CDH12: variants seen among roughly 807,000 people sequenced by gnomAD.
The protein encoded by CDH12 is cadherin-12.
Under a neutral mutation model 74.1 loss-of-function variants are expected in CDH12, and 41 were observed. The ratio of observed to expected loss-of-function variants is 0.55; its 90% confidence interval spans 0.43 to 0.72. CDH12 has a LOEUF of 0.72. Among genes scored for constraint, CDH12 ranks in the 30% least tolerant of loss-of-function variants. CDH12 has a pLI of 0.00. For missense variants in CDH12, 945 were observed against 977.2 expected, an observed-to-expected ratio of 0.97 and a Z score of 0.44; for synonymous variants, 399 against 355.0, an observed-to-expected ratio of 1.12 and a Z score of -1.39.
chr5:21,936,242 G>A (rs116639892), intron 6 of CDH12, among the ~76,000 whole-genome samples: 2,997 of 152,042 alleles, frequency 0.02, 84 homozygotes, highest in South Asian at 0.06. Context: ...CTGTATCTCC[G>A]CGCCAACATT....
intron 2 of CDH12, among the ~76,000 whole-genome samples, chr5:22,463,946 C>G (rs1745623630): frequency 6.6e-6 from 1 of 152,264 alleles, no homozygotes; most frequent in Admixed American, 6.5e-5. Context: ...TTATAAGATT[C>G]CATACCATTT....
At chr5:22,520,813 A>G (rs1737021295) in intron 1 of CDH12, among the ~76,000 whole-genome samples, 1 of 152,286 alleles carries the variant, frequency 6.6e-6, no homozygotes, top group African/African-American at 2.4e-5. Flanking sequence ...ACATACTGAA[A>G]TATCTGACAA....
chr5:22,695,043 T>C (rs1742279856), intron 1 of CDH12, among the ~76,000 whole-genome samples: 1 of 152,048 alleles, frequency 6.6e-6, no homozygotes, highest in African/African-American at 2.4e-5. Flanking sequence ...CCTGTGTCCA[T>C]CTGTCCTCGT....
At chr5:22,667,464 A>G (rs959761921) in intron 1 of CDH12, among the ~76,000 whole-genome samples, 4 of 152,180 alleles carry the variant, frequency 2.6e-5, no homozygotes, top group Non-Finnish European at 4.4e-5. Context: ...TTTGGAAATC[A>G]AATTTACACC....
At chr5:21,914,843 A>G (rs944505257) in intron 6 of CDH12, among the ~76,000 whole-genome samples, 1 of 152,236 alleles carries the variant, frequency 6.6e-6, no homozygotes, top group Non-Finnish European at 1.5e-5. Context: ...CAAAGTTCTG[A>G]CATGAAATTA....
intron 2 of CDH12, among the ~76,000 whole-genome samples, chr5:22,455,423 A>G (rs2126571652): frequency 6.6e-6 from 1 of 152,284 alleles, no homozygotes; most frequent in East Asian, 1.9e-4. Context: ...CCCGGGAAGG[A>G]AAGTTGTTAG....
chr5:22,719,060 T>C (rs559717589), intron 1 of CDH12, among the ~76,000 whole-genome samples: 1 of 152,196 alleles, frequency 6.6e-6, no homozygotes, highest in Non-Finnish European at 1.5e-5. Context: ...CCCAAATTGA[T>C]AGCCAGCTAG....
At chr5:22,000,738 G>A (rs548507693) in intron 5 of CDH12, among the ~76,000 whole-genome samples, 2 of 152,146 alleles carry the variant, frequency 1.3e-5, no homozygotes, top group South Asian at 4.1e-4. Flanking sequence ...ATCGGATAGT[G>A]CACAAATATT....
At chr5:22,503,544 T>A (rs1225817275) in intron 2 of CDH12, among the ~76,000 whole-genome samples, 1 of 152,094 alleles carries the variant, frequency 6.6e-6, no homozygotes, top group East Asian at 1.9e-4. Context: ...AATCCTCATA[T>A]TAAAAAGAAA....
Position 21,842,313 on chromosome 5 carries a change from G to C in CDH12, c.662C>G (p.Ala221Gly). The C allele has an allele frequency of 6.2e-7, 1 of 1,609,854 alleles. No individual in the cohort carries two copies. Among genetic ancestry groups the C allele is most frequent in the Non-Finnish European group, 8.5e-7 (1 of 1,177,654 alleles). The change falls in exon 8 of 15, where the codon GCT becomes GGT. Residue 221 changes from alanine (A) to glycine (G), a missense_variant. Ala to Gly is a moderately conservative substitution (Grantham distance 60). Around this residue, in one of 3 missense-constraint regions of CDH12, gnomAD observed 791 missense variants for 792.8 expected, o/e 1.00. Transcript: ENST00000382254. The stretch of plus-strand genomic sequence containing the variant: ...GACTTCTCTGTCCATGTTTGGCAAA[G>C]CTGTTCTAATAACACCTTAAGGGAT... Reference protein sequence around the residue: ...IDPKTGVIRTALPNMDREVKE... With the variant: ...IDPKTGVIRTGLPNMDREVKE...
At chr5:22,458,127 G>T (rs970489781) in intron 2 of CDH12, among the ~76,000 whole-genome samples, 1 of 151,974 alleles carries the variant, frequency 6.6e-6, no homozygotes, top group South Asian at 2.1e-4. Flanking sequence ...TCATCCACCC[G>T]CCTTGCCCTC....
chr5:22,415,888 T>C (rs1743362326), intron 2 of CDH12, among the ~76,000 whole-genome samples: 1 of 151,716 alleles, frequency 6.6e-6, no homozygotes, highest in Non-Finnish European at 1.5e-5. Context: ...AAAGACTTGA[T>C]ACTATCCCAA....
intron 2 of CDH12, among the ~76,000 whole-genome samples, chr5:22,475,585 C>A (rs1478173070): frequency 6.6e-6 from 1 of 151,916 alleles, no homozygotes; most frequent in East Asian, 1.9e-4. Context: ...ATTCTAATTG[C>A]AATGCAAGTG....
intron 1 of CDH12, among the ~76,000 whole-genome samples, chr5:22,633,818 T>G (rs181182254): frequency 1.3e-5 from 2 of 152,284 alleles, no homozygotes. Context: ...CTTCTACAAT[T>G]GCATGAACCA....
intron 4 of CDH12, among the ~76,000 whole-genome samples, chr5:22,116,862 CTCTT>C (rs1745146639): frequency 1.0e-5 from 1 of 98,642 alleles, no homozygotes. Context: ...ATCTGCAAGT[CTCTT>C]TTTTTTTTTT....
chr5:22,039,833 T>G (rs1739444885), intron 5 of CDH12, among the ~76,000 whole-genome samples: 1 of 152,002 alleles, frequency 6.6e-6, no homozygotes, highest in Non-Finnish European at 1.5e-5. Flanking sequence ...AAAGTCTTTA[T>G]CTGTGAAAGC....
intron 5 of CDH12, among the ~76,000 whole-genome samples, chr5:21,984,408 G>A (rs1228017520): frequency 6.6e-6 from 1 of 152,110 alleles, no homozygotes; most frequent in Non-Finnish European, 1.5e-5. Flanking sequence ...GTTCATCTCT[G>A]TGTTTTTCCT....
At position 22,482,542 on chromosome 5, in the gene CDH12, T is replaced by C. The variant is rs948514739; in HGVS notation, c.-428+22728A>G. On this transcript the variant is annotated intron_variant, in intron 2 of 14. Transcript: ENST00000382254. The stretch of plus-strand genomic sequence containing the variant: ...CATGTATATAACTTTACCCATATTC[T>C]TCTTATAAAACCATCTGTAATAGAA... Among the ~76,000 whole-genome samples, 5 of 152,172 alleles carry C rather than the reference T, an allele frequency of 3.3e-5. No individual in the cohort carries two copies. The East Asian group carries it at 9.6e-4, about 29-fold the overall frequency.
At chr5:22,316,958 A>C (rs1032801357) in intron 3 of CDH12, among the ~76,000 whole-genome samples, 2 of 152,140 alleles carry the variant, frequency 1.3e-5, no homozygotes, top group African/African-American at 4.8e-5. Context: ...TCCAGATATC[A>C]GGAGGAATAT....
Sources: gnomAD v4.1 joint callset for allele counts (sites outside exome capture counted in the v4.1 genomes callset) on GRCh38, gnomAD v4.1.1 for gene constraint, gnomAD v4.1.1 regional missense constraint, MANE v1.5 for transcripts, NCBI Gene and HGNC (gene_info 2026-07-23, HGNC 2026-07-21) for gene names.